Variants in STPG2 observed in about 807,000 individuals in gnomAD.
STPG2 encodes the protein sperm tail PG-rich repeat containing 2, also known as sperm-tail PG-rich repeat-containing protein 2.
In STPG2, 56 loss-of-function variants were observed where a neutral mutation model predicts 54.2. The observed-to-expected ratio is 1.03, with a 90% CI of 0.83 to 1.29. STPG2 has a LOEUF of 1.29. Among genes scored for constraint, STPG2 ranks in the 50% most tolerant of loss-of-function variants. The pLI is 0.00. For missense variants in STPG2, 596 were observed against 544.9 expected, an observed-to-expected ratio of 1.09 and a Z score of -0.93; for synonymous variants, 200 against 181.8, an observed-to-expected ratio of 1.10 and a Z score of -0.81.
intron 9 of STPG2, among the ~76,000 whole-genome samples, chr4:97,778,781 G>A (rs182500345): frequency 3.3e-5 from 5 of 152,140 alleles, no homozygotes; most frequent in South Asian, 4.1e-4. Context: ...AGCAATATTC[G>A]CTGTTCTGCA....
At chr4:97,466,541 G>A (rs1729792930) in intron 4 of STPG2, among the ~76,000 whole-genome samples, 1 of 151,614 alleles carries the variant, frequency 6.6e-6, no homozygotes, top group Admixed American at 6.6e-5. Context: ...AGTTATCTGT[G>A]GTATTTACTA....
intron 4 of STPG2, among the ~76,000 whole-genome samples, chr4:97,443,073 G>A (rs541810546): frequency 1.1e-3 from 166 of 152,124 alleles, no homozygotes; most frequent in African/African-American, 3.8e-3. Context: ...AATTTATTTC[G>A]GCTTAAACCT....
At chr4:97,488,066 T>C (rs888774199) in intron 4 of STPG2, among the ~76,000 whole-genome samples, 4 of 151,728 alleles carry the variant, frequency 2.6e-5, no homozygotes, top group African/African-American at 9.6e-5. Context: ...ATAACTACAA[T>C]TCTGAAGTTG....
chr4:97,945,698 T>C (rs1010287039), intron 7 of STPG2, among the ~76,000 whole-genome samples: 2 of 151,952 alleles, frequency 1.3e-5, no homozygotes, highest in Admixed American at 6.6e-5. Context: ...GCATTCTCTT[T>C]TCAAGACCCC....
intron 5 of STPG2, among the ~76,000 whole-genome samples, chr4:98,087,503 T>C (rs1371188444): frequency 6.6e-6 from 1 of 152,086 alleles, no homozygotes; most frequent in Non-Finnish European, 1.5e-5. Context: ...CAAGATTTCC[T>C]TTAAAATTCA....
intron 9 of STPG2, among the ~76,000 whole-genome samples, chr4:97,738,335 T>C (rs1027129595): frequency 1.3e-5 from 2 of 152,262 alleles, no homozygotes; most frequent in Non-Finnish European, 2.9e-5. Context: ...AACATTAAAA[T>C]GACAGGATCA....
intron 8 of STPG2, among the ~76,000 whole-genome samples, chr4:97,930,348 T>C (rs528541976): frequency 6.6e-6 from 1 of 152,348 alleles, no homozygotes; most frequent in South Asian, 2.1e-4. Context: ...TGAGTTGTTT[T>C]CTGTATATGG....
At chr4:97,538,388 G>A (rs1381006542) in intron 4 of STPG2, among the ~76,000 whole-genome samples, 2 of 152,158 alleles carry the variant, frequency 1.3e-5, no homozygotes, top group Non-Finnish European at 2.9e-5. Flanking sequence ...ACAACTACGT[G>A]ACAAATGCAC....
intron 10 of STPG2, among the ~76,000 whole-genome samples, chr4:97,627,196 T>C (rs539481225): frequency 2.6e-5 from 4 of 152,202 alleles, no homozygotes; most frequent in African/African-American, 9.6e-5. Flanking sequence ...AAAACAGATA[T>C]CTGGTAAATT....
intron 10 of STPG2, among the ~76,000 whole-genome samples, chr4:97,601,683 A>G (rs1733466257): frequency 6.6e-6 from 1 of 151,948 alleles, no homozygotes; most frequent in African/African-American, 2.4e-5. Context: ...GAGGAATTCT[A>G]TTCCATAGGT....
At chr4:97,728,842 A>T (rs900278809) in intron 9 of STPG2, among the ~76,000 whole-genome samples, 11 of 151,974 alleles carry the variant, frequency 7.2e-5, no homozygotes, top group Admixed American at 4.6e-4. Context: ...ACTTATCCCT[A>T]CAAATATCTC....
intron 9 of STPG2, among the ~76,000 whole-genome samples, chr4:97,718,046 A>G (rs1277557791): frequency 6.6e-6 from 1 of 152,058 alleles, no homozygotes; most frequent in African/African-American, 2.4e-5. Flanking sequence ...GTCTCAACAT[A>G]TATTTGAAGT....
chr4:98,000,958 G>A (rs7678250), intron 5 of STPG2, among the ~76,000 whole-genome samples: 60,082 of 151,844 alleles, frequency 0.4, 12,124 homozygotes, highest in Middle Eastern at 0.47. Context: ...AATGTAAGCT[G>A]CTAGGTTTTA....
At chr4:97,883,213 A>G (rs1730444266) in intron 8 of STPG2, among the ~76,000 whole-genome samples, 1 of 151,314 alleles carries the variant, frequency 6.6e-6, no homozygotes, top group Non-Finnish European at 1.5e-5. Flanking sequence ...ATATACACAC[A>G]TACATATATG....
intron 9 of STPG2, among the ~76,000 whole-genome samples, chr4:97,736,480 C>A (rs901131818): frequency 1.3e-5 from 2 of 152,130 alleles, no homozygotes; most frequent in East Asian, 3.9e-4. Flanking sequence ...ACAGATGGCA[C>A]CTGGAAAATT....
At chr4:97,573,337 G>A (rs1732645792) in intron 10 of STPG2, among the ~76,000 whole-genome samples, 1 of 151,874 alleles carries the variant, frequency 6.6e-6, no homozygotes, top group Non-Finnish European at 1.5e-5. Context: ...CAACTCAATA[G>A]CATATTTATT....
chr4:98,018,250 G>A (rs943682704), intron 5 of STPG2, among the ~76,000 whole-genome samples: 16 of 151,568 alleles, frequency 1.1e-4, no homozygotes. Context: ...TCCCACCTAT[G>A]AGGGAGAACA....
chr4:97,925,151 G>A (rs1368477169), intron 8 of STPG2, among the ~76,000 whole-genome samples: 1 of 152,148 alleles, frequency 6.6e-6, no homozygotes, highest in Non-Finnish European at 1.5e-5. Context: ...AGAACTAAAA[G>A]TTCTAACCTA....
chr4:98,015,408 G>C (rs1735911160), intron 5 of STPG2, among the ~76,000 whole-genome samples: 1 of 152,114 alleles, frequency 6.6e-6, no homozygotes. Context: ...GATATGAATA[G>C]ACACTTCTCA....
Sources: allele counts gnomAD v4.1 joint callset (sites outside exome capture counted in the v4.1 genomes callset), GRCh38; gene constraint gnomAD v4.1.1; transcripts MANE v1.5; gene names NCBI Gene and HGNC (gene_info 2026-07-23, HGNC 2026-07-21).